The following ZNF438 variants were observed in gnomAD, a reference collection of about 807,000 sequenced individuals.
ZNF438 encodes the protein zinc finger protein 438.
A neutral mutation model predicts 38.0 loss-of-function variants in ZNF438; 25 were observed. The observed-to-expected ratio is 0.66, with a 90% CI of 0.48 to 0.92. The LOEUF is 0.92. ZNF438 is among the 40% of genes least tolerant of loss of function. The pLI, the probability that ZNF438 is intolerant of heterozygous loss-of-function variation, is 0.00. For missense variants in ZNF438, 1,007 were observed against 999.6 expected (o/e 1.01, Z -0.10); for synonymous variants, 372 against 364.1 (o/e 1.02, Z -0.25).
intron 2 of ZNF438, among the ~76,000 whole-genome samples, chr10:30,930,520 G>A (rs533274479): frequency 1.3e-5 from 2 of 152,170 alleles, no homozygotes; most frequent in African/African-American, 4.8e-5. Context: ...GGCTCCTCAA[G>A]CGTGGCCAGA....
intron 1 of ZNF438, among the ~76,000 whole-genome samples, chr10:30,964,446 T>C (rs528059707): frequency 3.9e-5 from 6 of 152,298 alleles, no homozygotes; most frequent in South Asian, 2.1e-4. Flanking sequence ...ATCCTCTTCG[T>C]TGAGAAGTCT....
chr10:30,966,045 A>G (rs527628252), intron 1 of ZNF438, among the ~76,000 whole-genome samples: 2 of 152,346 alleles, frequency 1.3e-5, no homozygotes, highest in African/African-American at 4.8e-5. Context: ...CATTCATTCA[A>G]CAAACCATTA....
At chr10:30,995,126 T>G (rs1341616569) in intron 1 of ZNF438, among the ~76,000 whole-genome samples, 1 of 150,496 alleles carries the variant, frequency 6.6e-6, no homozygotes, top group East Asian at 1.9e-4. Context: ...GAAAAAGAAA[T>G]ATGAATCTAC....
At chr10:30,905,457 T>C (rs1182920790) in intron 3 of ZNF438, among the ~76,000 whole-genome samples, 1 of 152,238 alleles carries the variant, frequency 6.6e-6, no homozygotes, top group Non-Finnish European at 1.5e-5. Flanking sequence ...AATTGGGTTA[T>C]TTTTATTGTT....
At chr10:30,953,652 A>G (rs1226419826) in intron 1 of ZNF438, among the ~76,000 whole-genome samples, 2 of 74,142 alleles carry the variant, frequency 2.7e-5, no homozygotes, top group Non-Finnish European at 5.5e-5. Context: ...AAAAAAAAAC[A>G]TACACACACA....
In ZNF438 at chr10:30,849,353, A is replaced by C. The variant is rs983057438; in HGVS notation, c.1052T>G (p.Val351Gly). The C allele has an allele frequency of 6.7e-5, 108 of 1,614,108 alleles. No homozygotes were observed. The Admixed American group carries it at 1.8e-3, about 26-fold the overall frequency. Residue 351 changes from valine (V) to glycine (G), a missense_variant, in exon 5 of 6, where the codon GTG (valine) becomes GGG (glycine). Val to Gly is a moderately radical substitution (Grantham distance 109). Coordinates refer to ENST00000413025, the Ensembl canonical transcript of ZNF438. ...ACTTTCACAGGCACTCTGCTGTGAC[A>C]CTTGTGGAACAGGTAGCCTGCTTGC...
intron 2 of ZNF438, among the ~76,000 whole-genome samples, chr10:30,923,847 T>C (rs1313778756): frequency 3.3e-5 from 5 of 152,220 alleles, no homozygotes; most frequent in Admixed American, 1.3e-4. Flanking sequence ...CAATGTCAAG[T>C]ATCATCCAAA....
intron 1 of ZNF438, among the ~76,000 whole-genome samples, chr10:30,979,261 G>A (rs1225470344): frequency 6.6e-6 from 1 of 152,164 alleles, no homozygotes; most frequent in East Asian, 1.9e-4. Context: ...GCAGCTTACG[G>A]AACAAAAAGT....
exon 6 of ZNF438, chr10:30,845,468 C>G: frequency 6.2e-7 from 1 of 1,614,056 alleles, no homozygotes; most frequent in East Asian, 2.2e-5. Flanking sequence ...ATTTTATTTC[C>G]GCAAAAGACT....
At chr10:30,963,933 T>TC in intron 1 of ZNF438, among the ~76,000 whole-genome samples, 4 of 152,260 alleles carry the variant, frequency 2.6e-5, no homozygotes, top group Admixed American at 2.6e-4. Flanking sequence ...CAAACTGTAG[T>TC]CATGAACAAT....
At chr10:30,953,136 G>C (rs1239059979) in intron 1 of ZNF438, among the ~76,000 whole-genome samples, 1 of 143,280 alleles carries the variant, frequency 7.0e-6, no homozygotes, top group African/African-American at 2.6e-5. Flanking sequence ...ATCATTCTCA[G>C]TAAACTGTCG....
chr10:30,976,257 T>G (rs2051330271), intron 1 of ZNF438, among the ~76,000 whole-genome samples: 1 of 152,184 alleles, frequency 6.6e-6, no homozygotes, highest in Non-Finnish European at 1.5e-5. Flanking sequence ...TTTAAATGCA[T>G]TAAATATTTG....
intron 1 of ZNF438, among the ~76,000 whole-genome samples, chr10:30,998,540 CAAAAAAAAAAAAAAAAAAAAAAAAAA>C (rs55838240): frequency 5.4e-3 from 184 of 33,906 alleles, no homozygotes; most frequent in Middle Eastern, 0.026. Flanking sequence ...GAGACTGTCT[CAAAAAAAAAAAAAAAAAAAAAAAAAA>C]AAAAAAAAAA....
At chr10:30,956,329 A>C (rs2048858821) in intron 1 of ZNF438, among the ~76,000 whole-genome samples, 1 of 152,226 alleles carries the variant, frequency 6.6e-6, no homozygotes, top group Admixed American at 6.5e-5. Flanking sequence ...CCAAACTGAC[A>C]TCTTTTTAAA....
At chr10:30,875,387 G>C in intron 4 of ZNF438, 2 of 984,038 alleles carry the variant, frequency 2.0e-6, no homozygotes, top group Non-Finnish European at 2.4e-6. Context: ...TGAGAAAACT[G>C]AGGCTCAGGG....
chr10:30,845,666 A>T, intron 5 of ZNF438, 93 bp from the exon 7 acceptor site: 4 of 1,446,442 alleles, frequency 2.8e-6, no homozygotes, highest in Non-Finnish European at 3.7e-6. Flanking sequence ...GATCTAAAAC[A>T]TAACACTGAC....
At chr10:30,845,067 T>G (rs1299979975) in exon 6 of ZNF438, 1 of 1,614,122 alleles carries the variant, frequency 6.2e-7, no homozygotes, top group South Asian at 1.1e-5. Context: ...GTGCTTCCAG[T>G]GGTGGAGGAG....
chr10:30,876,335 G>A (rs1012984349), intron 4 of ZNF438, among the ~76,000 whole-genome samples: 1 of 152,062 alleles, frequency 6.6e-6, no homozygotes, highest in Non-Finnish European at 1.5e-5. Flanking sequence ...GATGGGGCAG[G>A]GAAAGACTGG....
chr10:30,934,618 C>G (rs902496703), intron 2 of ZNF438, among the ~76,000 whole-genome samples: 2 of 152,172 alleles, frequency 1.3e-5, no homozygotes, highest in Non-Finnish European at 2.9e-5. Flanking sequence ...TTTGTAAAAA[C>G]AGTTTCACGA....
Sources: gnomAD v4.1 joint callset for allele counts (sites outside exome capture counted in the v4.1 genomes callset) on GRCh38, gnomAD v4.1.1 for gene constraint, MANE v1.5 for transcripts, NCBI Gene and HGNC (gene_info 2026-07-23, HGNC 2026-07-21) for gene names.